SPIDR: variants seen among roughly 807,000 people sequenced by gnomAD.
SPIDR encodes scaffold protein involved in DNA repair.
A neutral mutation model predicts 104.6 loss-of-function variants in SPIDR; 93 were observed. The observed-to-expected ratio is 0.89, with a 90% CI of 0.75 to 1.06. SPIDR has a LOEUF of 1.06. Ranked by LOEUF, SPIDR falls within the 50% of genes least tolerant of loss-of-function variation. The pLI, the probability that SPIDR is intolerant of heterozygous loss-of-function variation, is 0.00. For missense variants in SPIDR, 1,154 were observed against 1,111.2 expected (o/e 1.04, Z -0.55); for synonymous variants, 431 against 416.9 (o/e 1.03, Z -0.41).
At chr8:47,713,201 C>A in intron 15 of SPIDR, 1 of 623,106 alleles carries the variant, frequency 1.6e-6, no homozygotes. Context: ...TTCCAGGGAT[C>A]AAACTAAAAT....
rs552926765 is a variant in SPIDR, at chr8:47,571,353, A to G, written c.1098-24458A>G. On this transcript the variant is annotated intron_variant, in intron 8 of 19. Coordinates refer to ENST00000297423, the MANE Select transcript of SPIDR (RefSeq NM_001080394.4). ...GTTAATGCTGTGGCAGTCATTTCAC[A>G]CTCTATACGTACTTCAGACATCACA... Among the ~76,000 whole-genome samples the G allele has an allele frequency of 3.9e-5, 6 of 152,142 alleles. No homozygotes were observed. The South Asian group carries it at 1.2e-3, about 32-fold the overall frequency.
At chr8:47,629,818 G>A (rs2066775044) in intron 10 of SPIDR, among the ~76,000 whole-genome samples, 1 of 152,250 alleles carries the variant, frequency 6.6e-6, no homozygotes, top group Admixed American at 6.5e-5. Flanking sequence ...GCCATAATTT[G>A]CCAACCTCTA....
At chr8:47,472,236 C>G (rs1250471402) in intron 8 of SPIDR, among the ~76,000 whole-genome samples, 1 of 152,210 alleles carries the variant, frequency 6.6e-6, no homozygotes, top group African/African-American at 2.4e-5. Context: ...GTCTGCTGCT[C>G]TGGGGCTAAC....
At chr8:47,385,138 A>G (rs1478682916) in intron 5 of SPIDR, among the ~76,000 whole-genome samples, 1 of 152,240 alleles carries the variant, frequency 6.6e-6, no homozygotes, top group African/African-American at 2.4e-5. Context: ...AAAGCAAAGA[A>G]TAATAACCTC....
At chr8:47,543,510 A>G (rs1446999447) in intron 8 of SPIDR, among the ~76,000 whole-genome samples, 1 of 152,206 alleles carries the variant, frequency 6.6e-6, no homozygotes, top group African/African-American at 2.4e-5. Context: ...GCCTTTGGCA[A>G]AAGCTGAGAA....
intron 5 of SPIDR, chr8:47,388,518 G>A (rs1554649612): frequency 6.5e-6 from 1 of 154,140 alleles, no homozygotes; most frequent in East Asian, 1.9e-4. Context: ...TGAGCTCATG[G>A]ACTTTTCGTC....
chr8:47,301,492 G>A (rs1364327131), intron 5 of SPIDR, among the ~76,000 whole-genome samples: 14 of 151,908 alleles, frequency 9.2e-5, no homozygotes, highest in Non-Finnish European at 5.9e-5. Context: ...TCATTATGAT[G>A]TTAGCTGGTT....
chr8:47,632,946 T>G (rs2067294709), intron 10 of SPIDR, among the ~76,000 whole-genome samples: 1 of 152,236 alleles, frequency 6.6e-6, no homozygotes. Context: ...AAACCAGGTC[T>G]GTCTGCCTCT....
At chr8:47,594,131 G>A (rs2061380019) in intron 8 of SPIDR, among the ~76,000 whole-genome samples, 3 of 148,660 alleles carry the variant, frequency 2.0e-5, no homozygotes, top group South Asian at 2.1e-4. Context: ...AGGCCGAGGC[G>A]GGCAAATCAC....
chr8:47,548,986 T>G (rs964475449), intron 8 of SPIDR, among the ~76,000 whole-genome samples: 1 of 152,172 alleles, frequency 6.6e-6, no homozygotes, highest in Non-Finnish European at 1.5e-5. Context: ...GTTCTCATGG[T>G]TCACTTCCCA....
intron 5 of SPIDR, among the ~76,000 whole-genome samples, chr8:47,334,760 G>A (rs1398210087): frequency 7.9e-5 from 12 of 152,030 alleles, no homozygotes; most frequent in Admixed American, 7.9e-4. Flanking sequence ...ATCATCATTG[G>A]TATAATTGGA....
chr8:47,504,081 T>A (rs2081046639), intron 8 of SPIDR, among the ~76,000 whole-genome samples: 1 of 152,204 alleles, frequency 6.6e-6, no homozygotes. Context: ...TTTCCTCCAT[T>A]TCAACCTTGG....
chr8:47,638,298 T>C (rs1458620353), intron 10 of SPIDR, among the ~76,000 whole-genome samples: 1 of 152,282 alleles, frequency 6.6e-6, no homozygotes, highest in East Asian at 1.9e-4. Context: ...ATGAAGGAAA[T>C]ACAAGTGCAA....
chr8:47,531,767 C>A (rs766624047), intron 8 of SPIDR, among the ~76,000 whole-genome samples: 1 of 152,190 alleles, frequency 6.6e-6, no homozygotes, highest in Non-Finnish European at 1.5e-5. Context: ...CAGTAAGAAT[C>A]TTTCAGCTCC....
At chr8:47,694,429 C>T (rs905426827) in intron 11 of SPIDR, among the ~76,000 whole-genome samples, 3 of 152,018 alleles carry the variant, frequency 2.0e-5, no homozygotes, top group Non-Finnish European at 4.4e-5. Context: ...ATCTAAAGAA[C>T]ATGACCATGT....
intron 8 of SPIDR, among the ~76,000 whole-genome samples, chr8:47,471,416 C>T (rs2075691324): frequency 6.8e-6 from 1 of 146,850 alleles, no homozygotes. Context: ...TGCCAATAAA[C>T]ACATGAAAAA....
intron 8 of SPIDR, among the ~76,000 whole-genome samples, chr8:47,468,816 A>G (rs782613819): frequency 1.3e-5 from 2 of 152,224 alleles, no homozygotes; most frequent in African/African-American, 2.4e-5. Context: ...AGCAATTGCA[A>G]CAAAAGGAAA....
At chr8:47,443,269 T>A (rs1208114141) in intron 8 of SPIDR, among the ~76,000 whole-genome samples, 1 of 152,112 alleles carries the variant, frequency 6.6e-6, no homozygotes, top group Non-Finnish European at 1.5e-5. Context: ...CAGCATATAA[T>A]GCTTAAGAAA....
intron 6 of SPIDR, 144 bp downstream of exon 6, chr8:47,396,770 G>T (rs2061298355): frequency 4.5e-6 from 4 of 881,118 alleles, no homozygotes; most frequent in African/African-American, 1.7e-5. Flanking sequence ...CGAAGTTGAG[G>T]GTCATGGCTT....
Sources: gnomAD v4.1 joint callset for allele counts (sites outside exome capture counted in the v4.1 genomes callset) on GRCh38, gnomAD v4.1.1 for gene constraint, MANE v1.5 for transcripts, NCBI Gene and HGNC (gene_info 2026-07-23, HGNC 2026-07-21) for gene names.